The following TDRP variants were observed in gnomAD, a reference collection of about 807,000 sequenced individuals.
TDRP encodes the protein testis development-related protein.
A neutral mutation model predicts 10.5 loss-of-function variants in TDRP; 12 were observed. That is an observed-to-expected ratio of 1.15 (90% CI 0.73 to 1.86). The LOEUF is 1.86. TDRP is among the 40% of genes most tolerant of loss of function. The pLI, the probability that TDRP is intolerant of heterozygous loss-of-function variation, is 0.00. For synonymous variants in TDRP, 139 were observed against 95.4 expected (o/e 1.46, Z -2.67); for missense variants, 353 against 229.2 (o/e 1.54, Z -3.49).
intron 1 of TDRP, among the ~76,000 whole-genome samples, chr8:523,936 T>A (rs1801971556): frequency 6.6e-6 from 1 of 152,162 alleles, no homozygotes; most frequent in African/African-American, 2.4e-5. Flanking sequence ...TGTAGAGCCC[T>A]AGGGCCTTTA....
At chr8:542,609 A>G in intron 1 of TDRP, among the ~76,000 whole-genome samples, 1 of 151,938 alleles carries the variant, frequency 6.6e-6, no homozygotes, top group East Asian at 2.0e-4. Context: ...TCACGCCTGT[A>G]ATCCCAGCAC....
intron 1 of TDRP, among the ~76,000 whole-genome samples, chr8:523,848 G>C (rs1453161876): frequency 6.6e-6 from 1 of 152,168 alleles, no homozygotes; most frequent in Non-Finnish European, 1.5e-5. Context: ...AGCATCCCTA[G>C]ATACATCCAG....
chr8:543,499 C>A (rs1384633150), intron 1 of TDRP, among the ~76,000 whole-genome samples: 1 of 151,528 alleles, frequency 6.6e-6, no homozygotes, highest in East Asian at 1.9e-4. Context: ...CATATAAATT[C>A]TCATCATTAC....
In TDRP at chr8:518,713, G is replaced by C. The variant is rs572812343; in HGVS notation, c.109-24116C>G. On this transcript the variant is annotated intron_variant, in intron 1 of 2. Transcript: ENST00000324079. ...CTCAGGGAAAGAAATTCCTTTCTAA[G>C]CCTTAGGGCAAATGAAAAAAAATTG... 5.3e-5 allele frequency among the ~76,000 whole-genome samples: 8 copies of C among 151,584 alleles called. No homozygotes were observed. In the South Asian group the frequency reaches 1.7e-3, roughly 32 times the overall value.
chr8:499,007 T>C (rs989868118), intron 1 of TDRP, among the ~76,000 whole-genome samples: 2 of 152,200 alleles, frequency 1.3e-5, no homozygotes, highest in African/African-American at 2.4e-5. Context: ...TAAACCTCTT[T>C]TCTTTATAAA....
At chr8:537,624 T>C (rs999220643) in intron 1 of TDRP, among the ~76,000 whole-genome samples, 6 of 152,192 alleles carry the variant, frequency 3.9e-5, no homozygotes, top group Admixed American at 2.0e-4. Flanking sequence ...GAAGTCTTCA[T>C]TGGTCTTGTA....
In TDRP at chr8:492,423, T is replaced by A. The variant is rs946531302; in HGVS notation, c.534A>T (p.Thr178=). 2 of 1,566,526 alleles carry A rather than the reference T, an allele frequency of 1.3e-6. No individual in the cohort carries two copies. The highest frequency in any genetic ancestry group is 1.7e-6 in the Non-Finnish European group (2 of 1,152,740). The change falls in exon 3 of 3, where the codon ACA becomes ACT. Residue 178 remains threonine, a synonymous_variant. Coordinates refer to ENST00000324079, the MANE Select transcript of TDRP (RefSeq NM_001384899.1). ...CTCACTCCGCCTCCTCCGGGCTATC[T>A]GTCAGGTGGCCTTTACTCTGCCGTC... The part of the protein sequence containing the change: ...SIRRQSKGHL[T]DSPEEAE
intron 1 of TDRP, among the ~76,000 whole-genome samples, chr8:514,832 C>T (rs533583352): frequency 6.6e-6 from 1 of 152,192 alleles, no homozygotes; most frequent in East Asian, 1.9e-4. Context: ...AGCCTCCTCC[C>T]ACCCTGGTCC....
In TDRP at chr8:521,551, A is replaced by C. The variant is rs536928786; in HGVS notation, c.108+23099T>G. On this transcript the variant is annotated intron_variant, in intron 1 of 2. Coordinates refer to ENST00000324079, the MANE Select transcript of TDRP (RefSeq NM_001384899.1). Reference sequence around the variant, plus strand: ...TGTTTAAGATCATGTGACCATATACATGAGGGCTTATTTCTCTCTACTCTG... The same window carrying C: ...TGTTTAAGATCATGTGACCATATACCTGAGGGCTTATTTCTCTCTACTCTG... Among the ~76,000 whole-genome samples, 11 of 152,328 alleles carry C rather than the reference A, an allele frequency of 7.2e-5. No individual in the cohort carries two copies. The South Asian group carries it at 2.1e-3, about 29-fold the overall frequency.
At chr8:520,946 CAATTT>C (rs1472329926) in intron 1 of TDRP, among the ~76,000 whole-genome samples, 3 of 152,090 alleles carry the variant, frequency 2.0e-5, no homozygotes, top group Non-Finnish European at 4.4e-5. Flanking sequence ...TGATATGCTT[CAATTT>C]GTCTATTTTT....
rs1167668487 is a variant in TDRP, at chr8:492,279, A to G, written c.*120T>C. 26 of 1,339,752 alleles carry G rather than the reference A, an allele frequency of 1.9e-5. No individual in the cohort carries two copies. Among genetic ancestry groups the G allele is most frequent in the Non-Finnish European group, 2.4e-5 (25 of 1,046,112 alleles). The allele number at this position is 1,339,752 out of a possible 1,614,324, so 83.0% of individuals were successfully genotyped here. On this transcript the variant is annotated 3_prime_UTR_variant, in exon 3 of 3. Transcript: ENST00000324079. ...ATTAAATAAAGAAACAGAGGTCCAA[A>G]TATCAAATATAGGCAAAAAGTAGAC...
intron 1 of TDRP, among the ~76,000 whole-genome samples, chr8:519,101 G>A (rs7829170): frequency 0.68 from 103,390 of 151,858 alleles, 35,490 homozygotes; most frequent in Admixed American, 0.71. Context: ...ATTGAATCCA[G>A]TCACCAATGG....
At chr8:493,547 C>G in intron 2 of TDRP, among the ~76,000 whole-genome samples, 1 of 152,248 alleles carries the variant, frequency 6.6e-6, no homozygotes, top group East Asian at 1.9e-4. Flanking sequence ...TGTAGACTCA[C>G]CAGGACTCAT....
At chr8:503,442 C>G (rs1246152186) in intron 1 of TDRP, among the ~76,000 whole-genome samples, 2 of 151,634 alleles carry the variant, frequency 1.3e-5, no homozygotes, top group African/African-American at 4.9e-5. Context: ...GGAACCCGTG[C>G]CCACCTCAGC....
intron 1 of TDRP, among the ~76,000 whole-genome samples, chr8:527,699 C>G (rs1252485276): frequency 1.3e-5 from 2 of 152,084 alleles, no homozygotes. Context: ...AACTGGATAT[C>G]CACATGCAGA....
At chr8:493,941 T>A (rs1383829786) in intron 2 of TDRP, among the ~76,000 whole-genome samples, 3 of 151,442 alleles carry the variant, frequency 2.0e-5, no homozygotes, top group Non-Finnish European at 4.4e-5. Context: ...GGACCTTTTA[T>A]CCAAAGTACA....
chr8:493,561 C>G (rs1056869303), intron 2 of TDRP, among the ~76,000 whole-genome samples: 10 of 152,256 alleles, frequency 6.6e-5, no homozygotes, highest in African/African-American at 2.2e-4. Flanking sequence ...GACTCATCTT[C>G]TAATCAAACA....
intron 1 of TDRP, chr8:494,850 T>C: frequency 3.1e-6 from 1 of 326,688 alleles, no homozygotes; most frequent in Non-Finnish European, 5.6e-6. Flanking sequence ...ATTAGACAAG[T>C]CAATATTTTG....
chr8:499,366 C>G (rs1011368559), intron 1 of TDRP, among the ~76,000 whole-genome samples: 1 of 152,168 alleles, frequency 6.6e-6, no homozygotes, highest in South Asian at 2.1e-4. Context: ...TTGAACACCA[C>G]GCTGGGCTGG....
Sources: gnomAD v4.1 joint callset for allele counts (sites outside exome capture counted in the v4.1 genomes callset) on GRCh38, gnomAD v4.1.1 for gene constraint, MANE v1.5 for transcripts, NCBI Gene and HGNC (gene_info 2026-07-23, HGNC 2026-07-21) for gene names.